RAP1A: variants seen among roughly 807,000 people sequenced by gnomAD.
RAP1A encodes RAP1A, member of RAS oncogene family, also known as ras-related protein Rap-1A.
Under a neutral mutation model 26.4 loss-of-function variants are expected in RAP1A, and 6 were observed. That is an observed-to-expected ratio of 0.23 (90% CI 0.12 to 0.45). The LOEUF (loss-of-function observed/expected upper bound fraction) is 0.45, where lower values mean the gene tolerates loss of function less well. Ranked by LOEUF, RAP1A falls within the 20% of genes least tolerant of loss-of-function variation. The probability of loss-of-function intolerance (pLI) is 0.99; values close to 1 mark genes in which losing one functional copy is unlikely to be tolerated. For missense variants in RAP1A, 121 were observed against 217.2 expected (o/e 0.56, Z 2.78); for synonymous variants, 73 against 79.4 (o/e 0.92, Z 0.43).
intron 1 of RAP1A, among the ~76,000 whole-genome samples, chr1:111,647,735 A>G (rs189356582): frequency 3.0e-4 from 45 of 151,246 alleles, no homozygotes; most frequent in Non-Finnish European, 5.9e-4. Flanking sequence ...CTTCTTTTAA[A>G]TTAAGAGATG....
At chr1:111,544,304 C>A (rs1656957347) in intron 1 of RAP1A, among the ~76,000 whole-genome samples, 1 of 152,152 alleles carries the variant, frequency 6.6e-6, no homozygotes, top group Admixed American at 6.6e-5. Context: ...TTAGTATATT[C>A]ACAATGTTGT....
Position 111,575,073 on chromosome 1 carries a change from A to C in RAP1A, c.-28+32564A>C, listed in dbSNP as rs964533700. 2.6e-5 allele frequency among the ~76,000 whole-genome samples: 4 copies of C among 152,356 alleles called. 1 individual carries two copies. Among genetic ancestry groups the C allele is most frequent in the Admixed American group, 2.6e-4 (4 of 15,296 alleles). On this transcript the variant is annotated intron_variant, in intron 1 of 7. Coordinates refer to the RAP1A transcript ENST00000356415. ...AAATATTTGTGAAGTAAATGAATAAATGAATTCCAGCTCTGTCTGGCTCTA... is the reference window on the plus strand; with the variant it reads ...AAATATTTGTGAAGTAAATGAATAACTGAATTCCAGCTCTGTCTGGCTCTA...
intron 1 of RAP1A, among the ~76,000 whole-genome samples, chr1:111,637,475 A>AT (rs1659760774): frequency 6.6e-6 from 1 of 151,932 alleles, no homozygotes. Context: ...AATAAGAATT[A>AT]TTTTTTTGCC....
At position 111,714,053 on chromosome 1, in the gene RAP1A, T is replaced by A. The variant is rs147405856; in HGVS notation, c.*1652T>A. 6.6e-6 allele frequency: 1 copy of A among 152,344 alleles called. No individual in the cohort carries two copies. Among genetic ancestry groups the A allele is most frequent in the East Asian group, 1.9e-4 (1 of 5,192 alleles). 9.4% of individuals were successfully genotyped at this position (152,344 alleles called of 1,614,324 possible). On this transcript the variant is annotated 3_prime_UTR_variant, in exon 8 of 8. Coordinates refer to ENST00000369709, the MANE Select transcript of RAP1A (RefSeq NM_002884.4). ...GTGGTCAGCCTGTCACTTACTAAACTGAAATTTTAAAATCAGGTTTCAAAT... is the reference window on the plus strand; with the variant it reads ...GTGGTCAGCCTGTCACTTACTAAACAGAAATTTTAAAATCAGGTTTCAAAT...
chr1:111,607,884 C>G (rs1393397248), intron 1 of RAP1A, among the ~76,000 whole-genome samples: 1 of 124,376 alleles, frequency 8.0e-6, no homozygotes, highest in Non-Finnish European at 1.8e-5. Flanking sequence ...CCCCACCTCC[C>G]TCCCGGACGG....
At chr1:111,591,098 G>A (rs1658463858) in intron 1 of RAP1A, among the ~76,000 whole-genome samples, 1 of 152,082 alleles carries the variant, frequency 6.6e-6, no homozygotes, top group African/African-American at 2.4e-5. Context: ...TAGATTTTCT[G>A]TTTCTTCTTG....
intron 1 of RAP1A, among the ~76,000 whole-genome samples, chr1:111,605,110 A>C (rs1442611308): frequency 6.6e-6 from 1 of 152,228 alleles, no homozygotes; most frequent in East Asian, 1.9e-4. Context: ...CAACAGGAGA[A>C]GAGGAGACCC....
chr1:111,641,663 A>G (rs1042048804), intron 1 of RAP1A, among the ~76,000 whole-genome samples: 5 of 152,168 alleles, frequency 3.3e-5, no homozygotes, highest in Admixed American at 1.3e-4. Context: ...GCGCATGCAC[A>G]TAGGTCTTTG....
chr1:111,615,949 T>G (rs1281095807), upstream of RAP1A, among the ~76,000 whole-genome samples: 2 of 152,192 alleles, frequency 1.3e-5, no homozygotes, highest in Non-Finnish European at 2.9e-5. Flanking sequence ...TCCATCACAG[T>G]GCAATGTTTA....
rs181672789 is a variant in RAP1A at position 111,651,553 on chromosome 1, T to C, written c.-28+31619T>C. 2.7e-3 allele frequency among the ~76,000 whole-genome samples: 401 copies of C among 151,120 alleles called. 2 individuals are homozygous for C. Among genetic ancestry groups the C allele is most frequent in the African/African-American group, 8.8e-3 (362 of 41,170 alleles). On this transcript the variant is annotated intron_variant, in intron 1 of 7. Transcript: ENST00000369709. Reference sequence around the variant, plus strand: ...GTGCAGTGGCACGATCTTGGCTCGCTGTCACCTCTGCCTCCCAGGTTCAAG... The same window carrying C: ...GTGCAGTGGCACGATCTTGGCTCGCCGTCACCTCTGCCTCCCAGGTTCAAG...
chr1:111,658,564 A>G (rs1373042374), intron 1 of RAP1A, among the ~76,000 whole-genome samples: 2 of 152,190 alleles, frequency 1.3e-5, no homozygotes, highest in Non-Finnish European at 2.9e-5. Context: ...TTTGTTAAAA[A>G]CTAAGACACA....
At chr1:111,632,851 G>A (rs973748469) in intron 1 of RAP1A, among the ~76,000 whole-genome samples, 2 of 149,180 alleles carry the variant, frequency 1.3e-5, no homozygotes, top group Non-Finnish European at 1.5e-5. Flanking sequence ...AACCTGGGAG[G>A]CAGAGGTTGT....
rs780249793 is a variant in RAP1A, at chr1:111,714,790, T to C, written c.*2389T>C. On this transcript the variant is annotated 3_prime_UTR_variant, in exon 8 of 8. Coordinates refer to ENST00000369709, the MANE Select transcript of RAP1A (RefSeq NM_002884.4). Reference sequence around the variant, plus strand: ...TTCCAAAGGGAAGGGTACCTGAAAATAAATGTATTTTTATAGCTGAAAAAT... The same window carrying C: ...TTCCAAAGGGAAGGGTACCTGAAAACAAATGTATTTTTATAGCTGAAAAAT... 2 of 152,208 alleles carry C rather than the reference T, an allele frequency of 1.3e-5. No individual in the cohort carries two copies. Among genetic ancestry groups the C allele is most frequent in the Non-Finnish European group, 2.9e-5 (2 of 68,038 alleles). The allele number at this position is 152,208 out of a possible 1,614,324, so 9.4% of individuals were successfully genotyped here. A position where few individuals can be genotyped will look rare whatever the true frequency, so the allele number is the denominator to read the frequency against.
chr1:111,549,158 T>A (rs908871694), intron 1 of RAP1A, among the ~76,000 whole-genome samples: 12 of 152,176 alleles, frequency 7.9e-5, no homozygotes, highest in African/African-American at 2.9e-4. Context: ...GTTGTCTTTG[T>A]CTGGTGTTAG....
intron 1 of RAP1A, among the ~76,000 whole-genome samples, chr1:111,565,271 A>G (rs981554821): frequency 1.1e-4 from 16 of 152,308 alleles, no homozygotes; most frequent in African/African-American, 3.6e-4. Flanking sequence ...TGATTTTGTA[A>G]TGCCTCATAG....
chr1:111,627,558 G>T (rs1234252723), intron 1 of RAP1A: 1 of 151,926 alleles, frequency 6.6e-6, no homozygotes, highest in Admixed American at 6.6e-5. Context: ...CAATGGCATT[G>T]AGTAGGTCAG....
chr1:111,704,604 T>C, intron 6 of RAP1A, 118 bp downstream of exon 6: 1 of 1,067,032 alleles, frequency 9.4e-7, no homozygotes, highest in Non-Finnish European at 1.3e-6. Context: ...CATAATTTTA[T>C]AGGAAACACT....
chr1:111,542,207 A>G (rs909061063), upstream of RAP1A: 14 of 563,810 alleles, frequency 2.5e-5, no homozygotes, highest in Non-Finnish European at 4.5e-5. Context: ...GACCAGCTTA[A>G]TGAAACAGAC....
intron 4 of RAP1A, among the ~76,000 whole-genome samples, chr1:111,702,294 C>T (rs1448618607): frequency 6.6e-6 from 1 of 151,804 alleles, no homozygotes; most frequent in Admixed American, 6.6e-5. Context: ...GCCATATGTG[C>T]TTTTTAAGTA....
Sources: gnomAD v4.1 joint callset for allele counts (sites outside exome capture counted in the v4.1 genomes callset) on GRCh38, gnomAD v4.1.1 for gene constraint, MANE v1.5 for transcripts, NCBI Gene and HGNC (gene_info 2026-07-23, HGNC 2026-07-21) for gene names.